The following PTGER3 variants were observed in gnomAD, a reference collection of about 807,000 sequenced individuals.
The protein encoded by PTGER3 is prostaglandin E2 receptor EP3 subtype.
Under a neutral mutation model 34.7 loss-of-function variants are expected in PTGER3, and 22 were observed. The observed-to-expected ratio is 0.63, with a 90% CI of 0.45 to 0.91. PTGER3 has a LOEUF of 0.91. Among genes scored for constraint, PTGER3 ranks in the 40% least tolerant of loss-of-function variants. The pLI is 0.00. For missense variants in PTGER3, 468 were observed against 519.4 expected (o/e 0.90, Z 0.96); for synonymous variants, 241 against 230.1 (o/e 1.05, Z -0.43).
chr1:70,996,265 G>C (rs994359292), intron 2 of PTGER3, among the ~76,000 whole-genome samples: 1 of 151,748 alleles, frequency 6.6e-6, no homozygotes, highest in Non-Finnish European at 1.5e-5. Context: ...GAATTAGGTT[G>C]AATAGTTAAG....
At chr1:71,017,004 C>A (rs1210062087) in intron 1 of PTGER3, among the ~76,000 whole-genome samples, 1 of 151,922 alleles carries the variant, frequency 6.6e-6, no homozygotes, top group Non-Finnish European at 1.5e-5. Flanking sequence ...AATGCTACCC[C>A]CCATCATAGA....
intron 4 of PTGER3, among the ~76,000 whole-genome samples, chr1:70,914,214 T>C (rs1047734995): frequency 5.9e-5 from 9 of 151,882 alleles, no homozygotes; most frequent in East Asian, 1.9e-4. Flanking sequence ...GGATGAATCA[T>C]GTGAAGGATG....
chr1:71,043,902 T>C (rs1023206398), intron 1 of PTGER3, among the ~76,000 whole-genome samples: 3 of 151,158 alleles, frequency 2.0e-5, no homozygotes, highest in Non-Finnish European at 4.4e-5. Context: ...CAGCAACCTC[T>C]GTCTCCCTAG....
At chr1:70,996,638 TTTTTATTTATTTA>T (rs1348963579) in intron 2 of PTGER3, among the ~76,000 whole-genome samples, 7 of 86,932 alleles carry the variant, frequency 8.1e-5, no homozygotes, top group East Asian at 6.9e-4. Context: ...TTTTTTTGTA[TTTTTATTTATTTA>T]TTTATTTATT....
At chr1:70,969,840 T>C (rs1373780271), downstream of PTGER3, among the ~76,000 whole-genome samples, 1 of 152,162 alleles carries the variant, frequency 6.6e-6, no homozygotes, top group Non-Finnish European at 1.5e-5. Flanking sequence ...TAAGTCTGGG[T>C]AAAGAATCAA....
chr1:70,881,566 C>T (rs1646391477), intron 4 of PTGER3, among the ~76,000 whole-genome samples: 1 of 152,044 alleles, frequency 6.6e-6, no homozygotes, highest in Non-Finnish European at 1.5e-5. Context: ...TTTCTTCAGC[C>T]TTTGAAGTTG....
chr1:71,035,609 G>A (rs1659752376), intron 1 of PTGER3, among the ~76,000 whole-genome samples: 1 of 152,234 alleles, frequency 6.6e-6, no homozygotes, highest in African/African-American at 2.4e-5. Flanking sequence ...GCAACCTTAA[G>A]TGGTCTTAAA....
At chr1:70,910,404 A>G (rs1246762982) in intron 4 of PTGER3, among the ~76,000 whole-genome samples, 2 of 151,952 alleles carry the variant, frequency 1.3e-5, no homozygotes, top group African/African-American at 4.8e-5. Flanking sequence ...TTTATTTTTT[A>G]TTTTATTTTA....
At chr1:70,867,542 G>A (rs1476103398) in intron 4 of PTGER3, among the ~76,000 whole-genome samples, 2 of 152,080 alleles carry the variant, frequency 1.3e-5, no homozygotes, top group Admixed American at 6.6e-5. Context: ...CCAACATGGT[G>A]AAGCCCCATC....
intron 2 of PTGER3, chr1:71,010,959 G>T (rs946202436): frequency 1.0e-6 from 1 of 985,476 alleles, no homozygotes; most frequent in Non-Finnish European, 1.2e-6. Flanking sequence ...AACTAGAAAA[G>T]CAGTGCAAGA....
chr1:71,020,678 C>G (rs368433130), intron 1 of PTGER3, among the ~76,000 whole-genome samples: 5 of 149,152 alleles, frequency 3.4e-5, no homozygotes, highest in East Asian at 2.0e-4. Flanking sequence ...ATTCATGAAG[C>G]TTTGGTGTAT....
intron 2 of PTGER3, among the ~76,000 whole-genome samples, chr1:70,985,511 G>A (rs1046067588): frequency 2.0e-5 from 3 of 152,092 alleles, no homozygotes; most frequent in African/African-American, 7.2e-5. Flanking sequence ...CTGACAAACT[G>A]TGTATGCCAC....
At chr1:70,883,376 CTTAA>C (rs1646433184) in intron 4 of PTGER3, among the ~76,000 whole-genome samples, 2 of 152,174 alleles carry the variant, frequency 1.3e-5, no homozygotes, top group African/African-American at 4.8e-5. Context: ...GATTTCACAA[CTTAA>C]TTAAATTCCT....
At chr1:70,985,700 A>G (rs1391247840) in intron 2 of PTGER3, among the ~76,000 whole-genome samples, 1 of 152,200 alleles carries the variant, frequency 6.6e-6, no homozygotes, top group Non-Finnish European at 1.5e-5. Context: ...TTTGCTCGCT[A>G]GAAGCAGGGA....
intron 4 of PTGER3, among the ~76,000 whole-genome samples, chr1:70,912,725 T>C (rs913161749): frequency 1.3e-5 from 2 of 152,210 alleles, no homozygotes; most frequent in Non-Finnish European, 2.9e-5. Context: ...CCTTTATAGA[T>C]TTATGTTCCA....
intron 4 of PTGER3, chr1:70,947,279 C>G (rs1191889385): frequency 6.6e-6 from 1 of 152,030 alleles, no homozygotes; most frequent in Non-Finnish European, 1.5e-5. Flanking sequence ...GGGAGGGACC[C>G]AGTGGGAGGT....
chr1:71,025,640 C>T (rs542990333), intron 1 of PTGER3, among the ~76,000 whole-genome samples: 8 of 152,108 alleles, frequency 5.3e-5, no homozygotes, highest in Non-Finnish European at 8.8e-5. Context: ...CGAATAATAA[C>T]AAAACAGCAA....
At chr1:70,996,936 G>A (rs974208030) in intron 2 of PTGER3, among the ~76,000 whole-genome samples, 18 of 152,242 alleles carry the variant, frequency 1.2e-4, no homozygotes, top group East Asian at 1.9e-4. Flanking sequence ...TGCTGGGATT[G>A]CAGGCATGAG....
intron 4 of PTGER3, chr1:70,869,309 G>A (rs1242114966): frequency 2.1e-6 from 1 of 471,356 alleles, no homozygotes; most frequent in South Asian, 1.5e-5. Context: ...CCTTCCATCA[G>A]GCCCCATCTC....
Sources: allele counts gnomAD v4.1 joint callset (sites outside exome capture counted in the v4.1 genomes callset), GRCh38; gene constraint gnomAD v4.1.1; transcripts MANE v1.5; gene names NCBI Gene and HGNC (gene_info 2026-07-23, HGNC 2026-07-21).